CASP8: variants seen among roughly 807,000 people sequenced by gnomAD.
The protein encoded by CASP8 is caspase 8.
Under a neutral mutation model 46.3 loss-of-function variants are expected in CASP8, and 24 were observed. The observed-to-expected ratio is 0.52, with a 90% CI of 0.38 to 0.73. The LOEUF (loss-of-function observed/expected upper bound fraction) is 0.73. CASP8 is among the 30% of genes least tolerant of loss of function. CASP8 has a pLI of 0.00. For synonymous variants in CASP8, 188 were observed against 200.4 expected (o/e 0.94, Z 0.52); for missense variants, 460 against 559.0 (o/e 0.82, Z 1.79).
chr2:201,282,921 A>G (rs1576375488), intron 7 of CASP8, among the ~76,000 whole-genome samples: 1 of 66,528 alleles, frequency 1.5e-5, no homozygotes, highest in East Asian at 4.6e-4. Flanking sequence ...CACCTCCCGG[A>G]CGGGGCGGCT....
intron 2 of CASP8, among the ~76,000 whole-genome samples, chr2:201,267,589 G>T (rs965022819): frequency 3.3e-5 from 5 of 152,186 alleles, no homozygotes; most frequent in African/African-American, 1.2e-4. Flanking sequence ...GTAACCAAAG[G>T]TGTGAGAGAG....
intron 2 of CASP8, among the ~76,000 whole-genome samples, chr2:201,252,491 G>T (rs1051501869): frequency 6.6e-6 from 1 of 152,184 alleles, no homozygotes; most frequent in Admixed American, 6.5e-5. Flanking sequence ...GGCCAGGATG[G>T]TCTGGATCAC....
intron 2 of CASP8, among the ~76,000 whole-genome samples, chr2:201,244,565 A>T (rs1010003946): frequency 6.7e-5 from 10 of 149,498 alleles, no homozygotes; most frequent in African/African-American, 2.5e-4. Flanking sequence ...TCTGATGACT[A>T]AAAAAAAAAG....
intron 1 of CASP8, chr2:201,233,956 G>A (rs1194910020): frequency 3.9e-5 from 6 of 152,280 alleles, no homozygotes; most frequent in African/African-American, 1.4e-4. Flanking sequence ...AGTAGAAGGA[G>A]GGCCCAGCCA....
intron 2 of CASP8, among the ~76,000 whole-genome samples, chr2:201,237,410 A>G (rs1272574288): frequency 1.3e-5 from 2 of 149,926 alleles, no homozygotes; most frequent in African/African-American, 4.9e-5. Flanking sequence ...TATCTTTATG[A>G]AAACATCTCT....
At chr2:201,246,401 A>T (rs1265778562) in intron 2 of CASP8, among the ~76,000 whole-genome samples, 1 of 152,162 alleles carries the variant, frequency 6.6e-6, no homozygotes, top group Non-Finnish European at 1.5e-5. Context: ...GGGAAAAGTG[A>T]ATCTATGCCA....
chr2:201,239,436 A>C (rs368030425), intron 2 of CASP8, among the ~76,000 whole-genome samples: 3 of 152,142 alleles, frequency 2.0e-5, no homozygotes, highest in African/African-American at 4.8e-5. Flanking sequence ...CGGCTTCCTT[A>C]CTTTTTAAAA....
chr2:201,277,873 G>T (rs1948747110), intron 7 of CASP8: 1 of 262,822 alleles, frequency 3.8e-6, no homozygotes, highest in Non-Finnish European at 7.5e-6. Flanking sequence ...GCTAATTTTT[G>T]TATTTTTAGT....
intron 2 of CASP8, among the ~76,000 whole-genome samples, chr2:201,268,304 A>G (rs547134996): frequency 7.9e-5 from 12 of 151,604 alleles, no homozygotes; most frequent in South Asian, 2.1e-4. Flanking sequence ...TAATCCCAGC[A>G]CTTTGGGATG....
At chr2:201,281,059 A>G (rs752489458) in intron 7 of CASP8, among the ~76,000 whole-genome samples, 2 of 152,206 alleles carry the variant, frequency 1.3e-5, no homozygotes, top group Non-Finnish European at 2.9e-5. Context: ...CATGCCTACA[A>G]TCCCAGCACT....
chr2:201,238,332 CTAAAGGT>C (rs1946143944), intron 2 of CASP8, among the ~76,000 whole-genome samples: 1 of 152,302 alleles, frequency 6.6e-6, no homozygotes, highest in Non-Finnish European at 1.5e-5. Flanking sequence ...TTTAAATTTT[CTAAAGGT>C]TATCTACAAG....
At chr2:201,234,789 T>G (rs899756693) in intron 2 of CASP8, among the ~76,000 whole-genome samples, 6 of 152,124 alleles carry the variant, frequency 3.9e-5, no homozygotes, top group Non-Finnish European at 7.4e-5. Flanking sequence ...TATGACCACA[T>G]TATAAAAATT....
At chr2:201,281,835 T>A in intron 7 of CASP8, 1 of 1,455,262 alleles carries the variant, frequency 6.9e-7, no homozygotes, top group Non-Finnish European at 9.1e-7. Flanking sequence ...TGCTTCAGGG[T>A]TTGAGAATGT....
intron 2 of CASP8, among the ~76,000 whole-genome samples, chr2:201,248,250 C>T (rs1946624874): frequency 1.3e-5 from 2 of 152,072 alleles, no homozygotes; most frequent in South Asian, 4.1e-4. Flanking sequence ...CCTGAGGAAC[C>T]ACGACCTGTG....
In CASP8 at chr2:201,265,275, C is replaced by T. The variant is rs564800197; in HGVS notation, c.-26-1186C>T. Among the ~76,000 whole-genome samples, 16 of 150,830 alleles carry T rather than the reference C, an allele frequency of 1.1e-4. No individual in the cohort carries two copies. The East Asian group carries it at 3.1e-3, about 30-fold the overall frequency. ...CCTGTAATCCCAACTACTAGGAGGCCGAGGCAGGAGGATTGCTTGAACCTG... is the reference window on the plus strand; with the variant it reads ...CCTGTAATCCCAACTACTAGGAGGCTGAGGCAGGAGGATTGCTTGAACCTG... On this transcript the variant is annotated intron_variant, in intron 1 of 8. Transcript: ENST00000673742.
chr2:201,251,956 G>A (rs936606166), intron 2 of CASP8, among the ~76,000 whole-genome samples: 2 of 151,820 alleles, frequency 1.3e-5, no homozygotes, highest in Non-Finnish European at 2.9e-5. Flanking sequence ...CAAAGTGTCC[G>A]TATGAGTTTT....
At chr2:201,263,168 C>T (rs1181103455) in intron 1 of CASP8, among the ~76,000 whole-genome samples, 2 of 152,092 alleles carry the variant, frequency 1.3e-5, no homozygotes, top group East Asian at 3.8e-4. Context: ...TATATACTGT[C>T]AGAAAATGCT....
chr2:201,262,376 AAC>A (rs772365683), intron 1 of CASP8: 12 of 151,664 alleles, frequency 7.9e-5, no homozygotes, highest in East Asian at 1.9e-4. Context: ...GATTATTATA[AAC>A]ACATATTTAT....
chr2:201,271,238 G>GA (rs891963861), intron 2 of CASP8, among the ~76,000 whole-genome samples: 136 of 140,964 alleles, frequency 9.6e-4, no homozygotes, highest in African/African-American at 1.2e-3. Context: ...CCATTTTACA[G>GA]AAAAAAAAAA....
Sources: gnomAD v4.1 joint callset for allele counts (sites outside exome capture counted in the v4.1 genomes callset) on GRCh38, gnomAD v4.1.1 for gene constraint, MANE v1.5 for transcripts, NCBI Gene and HGNC (gene_info 2026-07-23, HGNC 2026-07-21) for gene names.